The following RELN variants were observed in gnomAD, a reference collection of about 807,000 sequenced individuals.
The protein encoded by RELN is reelin.
A neutral mutation model predicts 427.6 loss-of-function variants in RELN; 108 were observed. The ratio of observed to expected loss-of-function variants is 0.25; its 90% CI spans 0.22 to 0.30. The LOEUF (loss-of-function observed/expected upper bound fraction) is 0.30. RELN is among the 10% of genes least tolerant of loss of function. RELN has a pLI of 1.00. For missense variants in RELN, 3,715 were observed against 4,302.8 expected (o/e 0.86, Z 3.82); for synonymous variants, 1,524 against 1,513.4 (o/e 1.01, Z -0.16).
At chr7:103,783,647 G>A (rs1289860285) in intron 3 of RELN, among the ~76,000 whole-genome samples, 2 of 152,130 alleles carry the variant, frequency 1.3e-5, no homozygotes, top group Non-Finnish European at 2.9e-5. Flanking sequence ...TTACCAAATA[G>A]ATGGTTTAAC....
intron 50 of RELN, chr7:103,513,565 A>G (rs888491814): frequency 3.9e-5 from 6 of 152,228 alleles, no homozygotes; most frequent in African/African-American, 1.4e-4. Flanking sequence ...GGTGAGGGAC[A>G]TTTTAAGCTT....
At position 103,626,088 on chromosome 7, in the gene RELN, A is replaced by G. The variant is rs1434801085; in HGVS notation, c.2702+3852T>C. 6.6e-6 allele frequency among the ~76,000 whole-genome samples: 1 copy of G among 152,110 alleles called. No individual in the cohort carries two copies. ...TAGAAGTCAGGGATGTTTGTCATAC[A>G]TTACTAACAAAACTCAGTTATTTCC... is the stretch of plus-strand genomic sequence containing the variant. On this transcript the variant is annotated intron_variant, in intron 20 of 64. Coordinates refer to ENST00000428762, the MANE Select transcript of RELN (RefSeq NM_005045.4). This position sits in a 1 kb window ranked among gnomAD's most constrained non-coding sequence, Gnocchi z 4.4.
chr7:103,492,505 A>T (rs1828707305), intron 57 of RELN, among the ~76,000 whole-genome samples: 1 of 152,194 alleles, frequency 6.6e-6, no homozygotes, highest in East Asian at 1.9e-4. Flanking sequence ...TCCATATTAT[A>T]TGCAATTAAA....
At chr7:103,477,607 A>G (rs1237117040) in intron 64 of RELN, among the ~76,000 whole-genome samples, 2 of 152,252 alleles carry the variant, frequency 1.3e-5, no homozygotes, top group African/African-American at 4.8e-5. Context: ...CTATGCATAA[A>G]TAAGTGCAGA....
rs377358023 is a variant in RELN, at chr7:103,798,288, A to T, written c.474-21661T>A. ...TTAAGAACATGAGCTCTGCAGTCAAATCTAGGTTCAAATCTTAGCTACAAT... is the reference window on the plus strand; with the variant it reads ...TTAAGAACATGAGCTCTGCAGTCAATTCTAGGTTCAAATCTTAGCTACAAT... On this transcript the variant is annotated intron_variant, in intron 3 of 64. Coordinates refer to ENST00000428762, the MANE Select transcript of RELN (RefSeq NM_005045.4). Among the ~76,000 whole-genome samples the T allele has an allele frequency of 6.6e-5, 10 of 152,310 alleles. No individual in the cohort carries two copies. The East Asian group carries it at 1.5e-3, about 23-fold the overall frequency.
At chr7:103,475,883 T>A (rs1462346244) in intron 64 of RELN, among the ~76,000 whole-genome samples, 1 of 148,854 alleles carries the variant, frequency 6.7e-6, no homozygotes, top group Non-Finnish European at 1.5e-5. Flanking sequence ...GTTCTTTTTT[T>A]AAATAACATT....
At position 103,968,492 on chromosome 7, in the gene RELN, A is replaced by G. The variant is rs1796700245; in HGVS notation, c.226+20639T>C. ...GCCTATGAGAAATTAGGGGACAGAAAAAAAAATAAAAGTATGAAAGAAATT... is the reference window on the plus strand; with the variant it reads ...GCCTATGAGAAATTAGGGGACAGAAGAAAAAATAAAAGTATGAAAGAAATT... On this transcript the variant is annotated intron_variant, in intron 1 of 64. Transcript: ENST00000428762. The surrounding 1 kb of genome is among the most constrained non-coding windows in gnomAD (Gnocchi z 4.3). Among the ~76,000 whole-genome samples, 1 of 152,212 alleles carries G rather than the reference A, an allele frequency of 6.6e-6. No individual in the cohort carries two copies. Among genetic ancestry groups the G allele is most frequent in the Non-Finnish European group, 1.5e-5 (1 of 68,034 alleles).
chr7:103,737,899 A>T (rs1157217045), intron 6 of RELN, among the ~76,000 whole-genome samples: 2 of 151,988 alleles, frequency 1.3e-5, no homozygotes, highest in African/African-American at 4.8e-5. Context: ...ATCATTATCC[A>T]ACTGATGGAG....
intron 4 of RELN, among the ~76,000 whole-genome samples, chr7:103,768,577 A>G (rs1791484773): frequency 6.6e-6 from 1 of 152,222 alleles, no homozygotes; most frequent in South Asian, 2.1e-4. Flanking sequence ...ATTTTTCAGT[A>G]AGGACAGTGA....
At chr7:103,785,688 T>C (rs1012164533) in intron 3 of RELN, among the ~76,000 whole-genome samples, 1 of 152,118 alleles carries the variant, frequency 6.6e-6, no homozygotes, top group African/African-American at 2.4e-5. Flanking sequence ...GTTGATCTTA[T>C]ATGAGTGTTA....
chr7:103,981,240 C>G (rs1186125347), intron 1 of RELN, among the ~76,000 whole-genome samples: 1 of 152,190 alleles, frequency 6.6e-6, no homozygotes, highest in African/African-American at 2.4e-5. Context: ...CATATGGTGA[C>G]ACTGCATTTT....
At chr7:103,595,971 A>G (rs1404928929) in intron 25 of RELN, among the ~76,000 whole-genome samples, 1 of 152,184 alleles carries the variant, frequency 6.6e-6, no homozygotes, top group Non-Finnish European at 1.5e-5. Context: ...TAAGACAGGG[A>G]TAGGCCAGGG....
intron 8 of RELN, among the ~76,000 whole-genome samples, chr7:103,706,944 A>C (rs1297140031): frequency 6.6e-6 from 1 of 152,088 alleles, no homozygotes; most frequent in Non-Finnish European, 1.5e-5. Context: ...CTCTGCCCTC[A>C]TAGCCTGTCA....
intron 8 of RELN, among the ~76,000 whole-genome samples, chr7:103,719,221 C>A (rs1790014509): frequency 6.6e-6 from 1 of 152,218 alleles, no homozygotes; most frequent in South Asian, 2.1e-4. Context: ...CTCATAGCTA[C>A]CAGGCCCAGT....
In RELN at chr7:103,651,751, C is replaced by A. The variant is rs1380847884; in HGVS notation, c.1802G>T (p.Trp601Leu). 1 of 1,611,752 alleles carries A rather than the reference C, an allele frequency of 6.2e-7. No individual in the cohort carries two copies. The change falls in exon 15 of 65, where the codon TGG becomes TTG. Residue 601 changes from tryptophan to leucine, a missense_variant. Coordinates refer to ENST00000428762, the MANE Select transcript of RELN (RefSeq NM_005045.4). ...TAAGCATTCAGTGTGAAGGAGGGAC[C>A]AGGAGCGCCCATGGTTGGTAGAAAA... The part of the protein sequence containing the change: ...LEFSTNHGRS[W>L]SLLHTECLPE...
intron 10 of RELN, among the ~76,000 whole-genome samples, chr7:103,684,682 C>T (rs372888901): frequency 6.0e-4 from 92 of 152,222 alleles, no homozygotes; most frequent in Non-Finnish European, 9.3e-4. Flanking sequence ...CTCTACGCCT[C>T]GGTTTCTCAG....
chr7:103,920,261 GT>G (rs1332830831), intron 1 of RELN, among the ~76,000 whole-genome samples: 1 of 152,092 alleles, frequency 6.6e-6, no homozygotes, highest in African/African-American at 2.4e-5. Flanking sequence ...GAAGTTGTAG[GT>G]AAAAGACATA....
intron 4 of RELN, among the ~76,000 whole-genome samples, chr7:103,765,924 C>T (rs1048976783): frequency 1.5e-4 from 23 of 152,290 alleles, no homozygotes; most frequent in Admixed American, 1.1e-3. Context: ...AGCACCAGTC[C>T]AAAACACCAT....
At chr7:103,545,408 C>T (rs760635464) in intron 41 of RELN, 64 bp from the exon 42 acceptor site, 24 of 1,101,068 alleles carry the variant, frequency 2.2e-5, no homozygotes, top group South Asian at 1.4e-4. Context: ...AAAGTATGCA[C>T]ATCTGATCAA....
Sources: allele counts gnomAD v4.1 joint callset (sites outside exome capture counted in the v4.1 genomes callset), GRCh38; gene constraint gnomAD v4.1.1; non-coding constraint Gnocchi (gnomAD v3.1); transcripts MANE v1.5; gene names NCBI Gene and HGNC (gene_info 2026-07-23, HGNC 2026-07-21).